The following ELAVL3 variants were observed in gnomAD, a reference collection of about 807,000 sequenced individuals.
The protein encoded by ELAVL3 is ELAV like RNA binding protein 3.
ELAVL3 carries 8 observed loss-of-function variants against 34.2 expected under a neutral mutation model. That is an observed-to-expected ratio of 0.23 (90% CI 0.14 to 0.42). The LOEUF (loss-of-function observed/expected upper bound fraction) is 0.42. ELAVL3 is among the 10% of genes least tolerant of loss of function. The pLI, the probability that ELAVL3 is intolerant of heterozygous loss-of-function variation, is 1.00. For missense variants in ELAVL3, 273 were observed against 518.8 expected, an observed-to-expected ratio of 0.53 and a Z score of 4.60; for synonymous variants, 209 against 222.1, an observed-to-expected ratio of 0.94 and a Z score of 0.53.
In ELAVL3 at chr19:11,480,406, C is replaced by T; in HGVS notation, c.9+194G>A. On this transcript the variant is annotated intron_variant, in intron 1 of 6. Transcript: ENST00000359227. The surrounding 1 kb of genome is among the most constrained non-coding windows in gnomAD (Gnocchi z 6.8). ...CAGTCTCCCTAAGGCCCTCTCAGACCAAGCTCTAAGCGCCCTCAGCACTCT... is the reference window on the plus strand; with the variant it reads ...CAGTCTCCCTAAGGCCCTCTCAGACTAAGCTCTAAGCGCCCTCAGCACTCT... 3.5e-6 allele frequency: 2 copies of T among 575,824 alleles called. No homozygotes were observed. Among genetic ancestry groups the T allele is most frequent in the South Asian group, 4.7e-5 (1 of 21,254 alleles). 35.7% of individuals were successfully genotyped at this position (575,824 alleles called of 1,614,324 possible).
intron 1 of ELAVL3, among the ~76,000 whole-genome samples, chr19:11,468,050 A>G (rs1971091662): frequency 1.3e-5 from 2 of 152,170 alleles, no homozygotes; most frequent in Non-Finnish European, 2.9e-5. Context: ...TTGGCCTCCC[A>G]AAGTGCTGGG....
chr19:11,477,354 C>T (rs769025045), intron 1 of ELAVL3, among the ~76,000 whole-genome samples: 2 of 152,050 alleles, frequency 1.3e-5, no homozygotes, highest in African/African-American at 2.4e-5. Context: ...TGTAGTGGTA[C>T]GATCATGGCT....
chr19:11,464,109 CTCTG>C (rs1219810130), intron 3 of ELAVL3, among the ~76,000 whole-genome samples: 1 of 133,820 alleles, frequency 7.5e-6, no homozygotes, highest in African/African-American at 3.3e-5. Context: ...CTCTCTCTCT[CTCTG>C]TCTCTCTCTG....
chr19:11,464,884 TAC>T (rs1180122275), intron 3 of ELAVL3, among the ~76,000 whole-genome samples: 5 of 89,418 alleles, frequency 5.6e-5, no homozygotes, highest in Non-Finnish European at 7.9e-5. Context: ...CATACACACA[TAC>T]ACACACCACA....
intron 1 of ELAVL3, among the ~76,000 whole-genome samples, chr19:11,472,427 G>A (rs372202194): frequency 2.0e-5 from 3 of 152,114 alleles, no homozygotes; most frequent in Non-Finnish European, 4.4e-5. Context: ...TAGGCAAGGC[G>A]TGCTGGCTCA....
At chr19:11,459,644 C>G (rs1970843428) in intron 3 of ELAVL3, among the ~76,000 whole-genome samples, 1 of 151,520 alleles carries the variant, frequency 6.6e-6, no homozygotes, top group African/African-American at 2.4e-5. Flanking sequence ...AACTTCTGGC[C>G]TCAAGCAGTT....
intron 3 of ELAVL3, among the ~76,000 whole-genome samples, chr19:11,460,998 C>G (rs2144884602): frequency 7.5e-6 from 1 of 132,660 alleles, no homozygotes; most frequent in Admixed American, 7.4e-5. Flanking sequence ...CCTCCACCGC[C>G]ACAACCTCTA....
Position 11,454,914 on chromosome 19 carries a change from C to T in ELAVL3, c.753-37G>A, listed in dbSNP as rs779064846. The T allele has an allele frequency of 7.7e-6, 12 of 1,557,744 alleles. No homozygotes were observed. Among genetic ancestry groups the T allele is most frequent in the Non-Finnish European group, 9.5e-6 (11 of 1,156,556 alleles). On this transcript the variant is annotated intron_variant, in intron 6 of 6. Coordinates refer to ENST00000359227, the MANE Select transcript of ELAVL3 (RefSeq NM_001420.4). This position sits in a 1 kb window ranked among gnomAD's most constrained non-coding sequence, Gnocchi z 9.2. ...GTCACGCGGGCTCTGCCCTGACCCC[C>T]CGCATGCTTCTGACCCCGTTGTGAC...
At chr19:11,457,228 C>T (rs988961428) in intron 5 of ELAVL3, 80 bp from the exon 6 acceptor site, 53 of 1,421,832 alleles carry the variant, frequency 3.7e-5, no homozygotes, top group Non-Finnish European at 4.7e-5. Flanking sequence ...GCCCTCCCCA[C>T]CCCCACCCAA....
intron 3 of ELAVL3, among the ~76,000 whole-genome samples, chr19:11,464,827 C>CACACACAAACCAGACACACACATACACA (rs1970990727): frequency 8.3e-6 from 1 of 120,308 alleles, no homozygotes; most frequent in African/African-American, 3.2e-5. Context: ...CCACACACAC[C>CACACACAAACCAGACACACACATACACA]ACACACAAAC....
At chr19:11,455,445 G>A (rs140996707) in intron 6 of ELAVL3, among the ~76,000 whole-genome samples, 1,790 of 151,694 alleles carry the variant, frequency 0.012, 14 homozygotes, top group Non-Finnish European at 0.016. Context: ...CTGCCACCAC[G>A]CCCAGCTAAT....
At position 11,458,460 on chromosome 19, in the gene ELAVL3, G is replaced by T. The variant is rs749942131; in HGVS notation, c.485C>A (p.Thr162Lys). The T allele has an allele frequency of 6.2e-7, 1 of 1,614,108 alleles. No individual in the cohort carries two copies. The highest frequency in any genetic ancestry group is 8.5e-7 in the Non-Finnish European group (1 of 1,180,032). The change falls in exon 4 of 7, where the codon ACA (threonine) becomes AAA (lysine). Residue 162 changes from threonine to lysine, a missense_variant and splice_region_variant. Thr to Lys is a moderately conservative substitution (Grantham distance 78). Around this residue, in one of 4 missense-constraint regions of ELAVL3, gnomAD observed 102 missense variants for 250.1 expected, o/e 0.41. Coordinates refer to ENST00000359227, the MANE Select transcript of ELAVL3 (RefSeq NM_001420.4). The surrounding 1 kb of genome is among the most constrained non-coding windows in gnomAD (Gnocchi z 7.3). ...ITSRILVDQV[T>K]GVSRGVGFIR... ...TGCACCCTCCCTGACTGCCTGACCT[G>T]TGACCTGGTCCACCAGGATGCGGGA...
In ELAVL3 at chr19:11,466,537, A is replaced by G; in HGVS notation, c.229+71T>C. ...CCCGAGACACCTCAGCAAGGGTCCC[A>G]CCTGCCCCCATCACCTCTGTATTTC... is the stretch of plus-strand genomic sequence containing the variant. On this transcript the variant is annotated intron_variant, in intron 2 of 6. Coordinates refer to ENST00000359227, the MANE Select transcript of ELAVL3 (RefSeq NM_001420.4). The surrounding 1 kb of genome is among the most constrained non-coding windows in gnomAD (Gnocchi z 5.0). The G allele has an allele frequency of 6.4e-7, 1 of 1,552,858 alleles. No homozygotes were observed. Among genetic ancestry groups the G allele is most frequent in the Non-Finnish European group, 8.8e-7 (1 of 1,133,210 alleles).
rs1970700918 is a variant in ELAVL3, at chr19:11,453,580, C to T, written c.*946G>A. On this transcript the variant is annotated 3_prime_UTR_variant, in exon 7 of 7. Coordinates refer to ENST00000359227, the MANE Select transcript of ELAVL3 (RefSeq NM_001420.4). ...TGCCCACATCTGTGGTCTGTGTCCACATGGACGTAGCCCCAGCTTCTGTCT... is the reference window on the plus strand; with the variant it reads ...TGCCCACATCTGTGGTCTGTGTCCATATGGACGTAGCCCCAGCTTCTGTCT... 6.5e-6 allele frequency: 1 copy of T among 152,868 alleles called. No individual in the cohort carries two copies. The highest frequency in any genetic ancestry group is 1.5e-5 in the Non-Finnish European group (1 of 68,088). The allele number at this position is 152,868 out of a possible 1,614,324, so 9.5% of individuals were successfully genotyped here. A position where few individuals can be genotyped will look rare whatever the true frequency, so the allele number is the denominator to read the frequency against.
intron 1 of ELAVL3, among the ~76,000 whole-genome samples, chr19:11,467,488 TTTG>T (rs1420405311): frequency 1.3e-5 from 2 of 151,960 alleles, no homozygotes; most frequent in African/African-American, 4.8e-5. Context: ...TTTCTTTGTT[TTTG>T]TTGTTGTTGT....
intron 1 of ELAVL3, among the ~76,000 whole-genome samples, chr19:11,467,226 C>G (rs956470755): frequency 2.6e-5 from 4 of 151,956 alleles, no homozygotes; most frequent in Admixed American, 6.6e-5. Context: ...AGTTCGAGAC[C>G]AGCCAGACCA....
At chr19:11,470,753 A>G (rs935650131) in intron 1 of ELAVL3, among the ~76,000 whole-genome samples, 2 of 152,226 alleles carry the variant, frequency 1.3e-5, no homozygotes, top group Non-Finnish European at 2.9e-5. Flanking sequence ...TGAGGCTTAA[A>G]GATGTTAAGG....
At chr19:11,468,206 G>T (rs185727921) in intron 1 of ELAVL3, among the ~76,000 whole-genome samples, 1 of 152,080 alleles carries the variant, frequency 6.6e-6, no homozygotes, top group African/African-American at 2.4e-5. Flanking sequence ...TCATGCATAA[G>T]TTTCTTACTA....
At chr19:11,465,076 CACACAG>C (rs1485381192) in intron 3 of ELAVL3, among the ~76,000 whole-genome samples, 8 of 111,606 alleles carry the variant, frequency 7.2e-5, no homozygotes, top group African/African-American at 2.7e-4. Flanking sequence ...CCACACACCC[CACACAG>C]ACACACACAC....
Sources: allele counts gnomAD v4.1 joint callset (sites outside exome capture counted in the v4.1 genomes callset), GRCh38; gene constraint gnomAD v4.1.1; regional missense constraint gnomAD v4.1.1; non-coding constraint Gnocchi (gnomAD v3.1); transcripts MANE v1.5; gene names NCBI Gene and HGNC (gene_info 2026-07-23, HGNC 2026-07-21).